Variants in GRIK4 observed in about 807,000 individuals in gnomAD.
GRIK4 encodes the protein glutamate ionotropic receptor kainate type subunit 4.
GRIK4 carries 40 observed loss-of-function variants against 104.9 expected under a neutral mutation model. The ratio of observed to expected loss-of-function variants is 0.38; its 90% CI spans 0.30 to 0.50. GRIK4 has a LOEUF of 0.50. GRIK4 is among the 20% of genes least tolerant of loss of function. The pLI is 0.93. For missense variants in GRIK4, 1,047 were observed against 1,308.1 expected (o/e 0.80, Z 3.08); for synonymous variants, 485 against 524.9 (o/e 0.92, Z 1.04).
chr11:120,977,914 C>A (rs572563973), intron 19 of GRIK4, among the ~76,000 whole-genome samples: 5 of 152,302 alleles, frequency 3.3e-5, no homozygotes, highest in Admixed American at 1.3e-4. Flanking sequence ...CCCCTTTAGC[C>A]ATCACTCAGT....
chr11:120,900,783 C>T (rs1027532228), intron 12 of GRIK4, among the ~76,000 whole-genome samples: 1 of 152,148 alleles, frequency 6.6e-6, no homozygotes, highest in South Asian at 2.1e-4. Context: ...GCAGTTCCAG[C>T]CCCCAGGGTT....
At chr11:120,955,423 G>A (rs916835849) in intron 15 of GRIK4, among the ~76,000 whole-genome samples, 1 of 152,224 alleles carries the variant, frequency 6.6e-6, no homozygotes, top group African/African-American at 2.4e-5. Flanking sequence ...AGTGCAGGAC[G>A]GGAAAGAGCA....
At chr11:120,711,382 G>A (rs997894331) in intron 3 of GRIK4, among the ~76,000 whole-genome samples, 5 of 152,122 alleles carry the variant, frequency 3.3e-5, no homozygotes, top group African/African-American at 1.2e-4. Context: ...AGACCTCCTG[G>A]TGCCCATCAC....
At chr11:120,901,924 A>G (rs1942747860) in intron 12 of GRIK4, among the ~76,000 whole-genome samples, 1 of 152,194 alleles carries the variant, frequency 6.6e-6, no homozygotes, top group South Asian at 2.1e-4. Flanking sequence ...GTGAGGTGAC[A>G]TTTAACAACA....
chr11:120,545,089 C>A (rs568468399), intron 1 of GRIK4, among the ~76,000 whole-genome samples: 70 of 152,270 alleles, frequency 4.6e-4, no homozygotes, highest in African/African-American at 1.6e-3. Context: ...TGTGAACAAA[C>A]CAGGGGACAT....
chr11:120,964,735 C>T (rs1254386142), intron 18 of GRIK4, among the ~76,000 whole-genome samples: 1 of 152,156 alleles, frequency 6.6e-6, no homozygotes, highest in Non-Finnish European at 1.5e-5. Context: ...TCTGACATGA[C>T]ACTGTTTTCA....
chr11:120,969,701 G>A (rs183967718), intron 19 of GRIK4, among the ~76,000 whole-genome samples: 2 of 152,250 alleles, frequency 1.3e-5, no homozygotes, highest in Non-Finnish European at 1.5e-5. Flanking sequence ...AAAGAGCGCC[G>A]TCTCTCCTCC....
intron 1 of GRIK4, among the ~76,000 whole-genome samples, chr11:120,647,607 A>G (rs1055149048): frequency 6.6e-6 from 1 of 152,094 alleles, no homozygotes. Flanking sequence ...CCCAGCACTT[A>G]CCTGGAAGGT....
chr11:120,590,622 C>G (rs1342705835), intron 1 of GRIK4, among the ~76,000 whole-genome samples: 1 of 152,196 alleles, frequency 6.6e-6, no homozygotes, highest in Non-Finnish European at 1.5e-5. Flanking sequence ...ATGCTTTGCT[C>G]ATTCCCTTGA....
chr11:120,837,130 G>A (rs1283993629), intron 8 of GRIK4, among the ~76,000 whole-genome samples: 1 of 152,214 alleles, frequency 6.6e-6, no homozygotes, highest in Non-Finnish European at 1.5e-5. Context: ...AGTAGGTCCA[G>A]TTACTGGCCT....
intron 1 of GRIK4, among the ~76,000 whole-genome samples, chr11:120,530,050 G>A (rs569286313): frequency 2.0e-5 from 3 of 152,304 alleles, no homozygotes; most frequent in South Asian, 4.1e-4. Flanking sequence ...CCAAGTGTGA[G>A]TCCTATGAGG....
rs1944756378 is a variant in GRIK4 at position 120,986,462 on chromosome 11, A to G, written c.*202A>G. On this transcript the variant is annotated 3_prime_UTR_variant, in exon 21 of 21. Coordinates refer to ENST00000527524, the MANE Select transcript of GRIK4 (RefSeq NM_014619.5). ...GGTCAGGGAGCAGGGTCCACCCGGA[A>G]ACGTTGCACCCAAAGGGCAAAGGAC... The G allele has an allele frequency of 2.1e-5, 14 of 682,222 alleles. No homozygotes were observed. The South Asian group carries it at 3.1e-4, about 15-fold the overall frequency. 42.3% of individuals were successfully genotyped at this position (682,222 alleles called of 1,614,324 possible). A position where few individuals can be genotyped will look rare whatever the true frequency, so the allele number is the denominator to read the frequency against.
chr11:120,670,858 C>T (rs1266477233), intron 3 of GRIK4, among the ~76,000 whole-genome samples: 2 of 151,902 alleles, frequency 1.3e-5, no homozygotes, highest in Non-Finnish European at 2.9e-5. Flanking sequence ...CTCCCCTTGT[C>T]CCCCACCCCT....
chr11:120,576,983 G>A (rs1394439690), intron 1 of GRIK4, among the ~76,000 whole-genome samples: 3 of 152,282 alleles, frequency 2.0e-5, no homozygotes, highest in South Asian at 2.1e-4. Context: ...CTTTCTTGTC[G>A]TATTTCCCCT....
At chr11:120,825,698 C>T (rs1488902080) in intron 6 of GRIK4, among the ~76,000 whole-genome samples, 2 of 152,232 alleles carry the variant, frequency 1.3e-5, no homozygotes, top group Admixed American at 1.3e-4. Context: ...CACTTGGGAG[C>T]TGTGTGACAC....
chr11:120,763,055 C>T (rs893415931), intron 3 of GRIK4, among the ~76,000 whole-genome samples: 1 of 152,118 alleles, frequency 6.6e-6, no homozygotes, highest in African/African-American at 2.4e-5. Context: ...TAGAATTCAG[C>T]TGTGAATCTG....
At chr11:120,700,647 C>T (rs1208443647) in intron 3 of GRIK4, among the ~76,000 whole-genome samples, 15 of 152,042 alleles carry the variant, frequency 9.9e-5, no homozygotes, top group South Asian at 4.2e-4. Flanking sequence ...TTAGTAGAGA[C>T]GGGGTTTCAC....
At chr11:120,600,340 C>A (rs1271196020) in intron 1 of GRIK4, among the ~76,000 whole-genome samples, 1 of 152,068 alleles carries the variant, frequency 6.6e-6, no homozygotes, top group African/African-American at 2.4e-5. Flanking sequence ...GTTTTTCCCC[C>A]CTCTGTCTTA....
At chr11:120,857,883 T>G (rs903410206) in intron 8 of GRIK4, among the ~76,000 whole-genome samples, 1 of 152,216 alleles carries the variant, frequency 6.6e-6, no homozygotes, top group Non-Finnish European at 1.5e-5. Context: ...ACCACATGTG[T>G]GAACAAACAA....
Sources: gnomAD v4.1 joint callset for allele counts (sites outside exome capture counted in the v4.1 genomes callset) on GRCh38, gnomAD v4.1.1 for gene constraint, MANE v1.5 for transcripts, NCBI Gene and HGNC (gene_info 2026-07-23, HGNC 2026-07-21) for gene names.